Variants in RHBDD1 observed in about 807,000 individuals in gnomAD.
The protein encoded by RHBDD1 is rhomboid domain containing 1.
In RHBDD1, 38 loss-of-function variants were observed where a neutral mutation model predicts 36.3. The ratio of observed to expected loss-of-function variants is 1.05; its 90% CI spans 0.81 to 1.37. The LOEUF (loss-of-function observed/expected upper bound fraction) is 1.37, where lower values mean the gene tolerates loss of function less well. Ranked by LOEUF, RHBDD1 falls within the 40% of genes most tolerant of loss-of-function variation. The probability of loss-of-function intolerance (pLI) is 0.00; values close to 1 mark genes in which losing one functional copy is unlikely to be tolerated. For synonymous variants in RHBDD1, 151 were observed against 136.5 expected, an observed-to-expected ratio of 1.11 and a Z score of -0.74; for missense variants, 393 against 377.6, an observed-to-expected ratio of 1.04 and a Z score of -0.34.
At chr2:226,831,361 G>A (rs921131906), upstream of RHBDD1, among the ~76,000 whole-genome samples, 2 of 152,160 alleles carry the variant, frequency 1.3e-5, no homozygotes, top group Non-Finnish European at 2.9e-5. Context: ...CTAACCCCCA[G>A]TACCTTAGAA....
the RHBDD1 span, among the ~76,000 whole-genome samples, chr2:226,822,158 A>C: frequency 6.6e-6 from 1 of 152,236 alleles, no homozygotes; most frequent in East Asian, 1.9e-4. Flanking sequence ...AGCTTTATGT[A>C]ACAATTTTTA....
chr2:226,875,776 G>A (rs553946753), intron 5 of RHBDD1, among the ~76,000 whole-genome samples: 6 of 152,154 alleles, frequency 3.9e-5, no homozygotes, highest in Non-Finnish European at 8.8e-5. Flanking sequence ...CATAAATGCT[G>A]GGAGATAAAG....
chr2:226,812,647 C>CTCTCTTTTTTTT, the RHBDD1 span, among the ~76,000 whole-genome samples: 4,284 of 150,268 alleles, frequency 0.029, 75 homozygotes, highest in Middle Eastern at 0.092. Flanking sequence ...CTCTCTCTCT[C>CTCTCTTTTTTTT]TTTTTTTTTG....
the RHBDD1 span, among the ~76,000 whole-genome samples, chr2:226,822,346 G>C: frequency 2.0e-5 from 3 of 148,498 alleles, no homozygotes; most frequent in East Asian, 6.0e-4. Context: ...CATTAAGAAA[G>C]AAATGTGGCC....
At chr2:226,963,232 T>C (rs73992279) in intron 8 of RHBDD1, among the ~76,000 whole-genome samples, 3,250 of 152,298 alleles carry the variant, frequency 0.021, 121 homozygotes, top group African/African-American at 0.074. Context: ...TTATAGCAGC[T>C]GTAGCAAAAT....
intron 8 of RHBDD1, among the ~76,000 whole-genome samples, chr2:226,954,994 G>A (rs1025793923): frequency 1.3e-5 from 2 of 151,940 alleles, no homozygotes; most frequent in African/African-American, 4.8e-5. Context: ...GTATCGAGGT[G>A]GGGGAGAGAT....
At chr2:226,847,416 C>T (rs1281662315) in intron 3 of RHBDD1, among the ~76,000 whole-genome samples, 1 of 151,756 alleles carries the variant, frequency 6.6e-6, no homozygotes, top group East Asian at 1.9e-4. Context: ...CTCTGAATTA[C>T]ATTGACTTAA....
the RHBDD1 span, chr2:226,804,903 A>T: frequency 3.3e-5 from 5 of 152,276 alleles, no homozygotes; most frequent in Admixed American, 3.3e-4. Context: ...TATGCTTGTA[A>T]TCTCCGCAAT....
intron 3 of RHBDD1, among the ~76,000 whole-genome samples, chr2:226,864,342 G>A (rs1002519638): frequency 6.6e-6 from 1 of 152,100 alleles, no homozygotes; most frequent in Non-Finnish European, 1.5e-5. Context: ...AGTTAATTTC[G>A]TGGTGTGTTT....
At chr2:226,985,473 T>C (rs1956726569) in intron 8 of RHBDD1, among the ~76,000 whole-genome samples, 1 of 152,260 alleles carries the variant, frequency 6.6e-6, no homozygotes, top group Non-Finnish European at 1.5e-5. Flanking sequence ...GACTGGAATT[T>C]GTCCTAGTTT....
At chr2:226,845,176 A>G (rs1439311163) in intron 3 of RHBDD1, among the ~76,000 whole-genome samples, 1 of 152,206 alleles carries the variant, frequency 6.6e-6, no homozygotes, top group Non-Finnish European at 1.5e-5. Flanking sequence ...ATACTTTTTA[A>G]AAAATGCATG....
At chr2:226,889,221 T>C (rs1946483661) in intron 5 of RHBDD1, among the ~76,000 whole-genome samples, 1 of 152,202 alleles carries the variant, frequency 6.6e-6, no homozygotes, top group Non-Finnish European at 1.5e-5. Flanking sequence ...CTGAAGGGAC[T>C]CATCAGAGCT....
intron 8 of RHBDD1, among the ~76,000 whole-genome samples, chr2:226,958,176 A>G (rs1951908635): frequency 6.6e-6 from 1 of 152,260 alleles, no homozygotes; most frequent in African/African-American, 2.4e-5. Context: ...GTATATGCAT[A>G]CGATGGAATA....
At chr2:226,825,934 C>T in the RHBDD1 span, among the ~76,000 whole-genome samples, 5 of 152,210 alleles carry the variant, frequency 3.3e-5, no homozygotes, top group Admixed American at 1.3e-4. Context: ...TATCGGGTAT[C>T]GAGAGTTTAT....
intron 2 of RHBDD1, among the ~76,000 whole-genome samples, chr2:226,838,728 C>T (rs1487542743): frequency 1.3e-5 from 2 of 152,014 alleles, no homozygotes; most frequent in East Asian, 1.9e-4. Context: ...TCTTTTTAAC[C>T]ATAAAATGCT....
chr2:226,864,799 G>A lies in RHBDD1; in HGVS notation c.106G>A (p.Ala36Thr). 1 of 1,614,144 alleles carries A rather than the reference G, an allele frequency of 6.2e-7. No homozygotes were observed. Among genetic ancestry groups the A allele is most frequent in the Non-Finnish European group, 8.5e-7 (1 of 1,180,016 alleles). The part of the protein sequence containing the change: ...NIPPVTLATL[A>T]LNIWFFLNPQ... ...TCCACCTGTCACCCTAGCAACTTTGGCCCTCAACATCTGGTTCTTCTTGAA... is the reference window on the plus strand; with the variant it reads ...TCCACCTGTCACCCTAGCAACTTTGACCCTCAACATCTGGTTCTTCTTGAA... Residue 36 changes from alanine (A) to threonine (T), a missense_variant, in exon 4 of 9, where the codon GCC (alanine) becomes ACC (threonine). Ala to Thr is a moderately conservative substitution (Grantham distance 58, BLOSUM62 0). Coordinates refer to ENST00000392062, the MANE Select transcript of RHBDD1 (RefSeq NM_001167608.3).
chr2:226,856,299 T>G (rs1482575927), intron 3 of RHBDD1, among the ~76,000 whole-genome samples: 1 of 152,316 alleles, frequency 6.6e-6, no homozygotes, highest in East Asian at 1.9e-4. Flanking sequence ...AGATTGCGAG[T>G]ATTCAGTTAA....
chr2:226,931,249 A>G (rs1950013580), intron 8 of RHBDD1, among the ~76,000 whole-genome samples: 1 of 152,050 alleles, frequency 6.6e-6, no homozygotes, highest in Non-Finnish European at 1.5e-5. Context: ...ACAAGTGTCC[A>G]TCAACCAATG....
intron 8 of RHBDD1, among the ~76,000 whole-genome samples, chr2:226,979,802 C>T (rs1393078290): frequency 6.6e-6 from 1 of 152,224 alleles, no homozygotes; most frequent in Non-Finnish European, 1.5e-5. Flanking sequence ...ATCTAGTCAT[C>T]CCTCAAGCCA....
Sources: allele counts gnomAD v4.1 joint callset (sites outside exome capture counted in the v4.1 genomes callset), GRCh38; gene constraint gnomAD v4.1.1; transcripts MANE v1.5; gene names NCBI Gene and HGNC (gene_info 2026-07-23, HGNC 2026-07-21).